Variants in SEMA4B observed in about 807,000 individuals in gnomAD.
SEMA4B encodes semaphorin 4B.
A neutral mutation model predicts 88.1 loss-of-function variants in SEMA4B; 55 were observed. The ratio of observed to expected loss-of-function variants is 0.62; its 90% CI spans 0.50 to 0.78. The LOEUF is 0.78. SEMA4B is among the 30% of genes least tolerant of loss of function. SEMA4B has a pLI of 0.00. For synonymous variants in SEMA4B, 525 were observed against 473.6 expected, an observed-to-expected ratio of 1.11 and a Z score of -1.41; for missense variants, 1,062 against 1,111.9, an observed-to-expected ratio of 0.96 and a Z score of 0.64.
intron 1 of SEMA4B, among the ~76,000 whole-genome samples, chr15:90,185,856 C>T (rs1294831771): frequency 1.3e-5 from 2 of 151,542 alleles, no homozygotes; most frequent in African/African-American, 2.4e-5. Flanking sequence ...TAAATCGCTT[C>T]CCAAGATGAC....
chr15:90,206,977 C>A (rs1163326406), intron 1 of SEMA4B: 14 of 526,078 alleles, frequency 2.7e-5, no homozygotes, highest in East Asian at 2.2e-4. Context: ...AAGAAAATAT[C>A]TTTGGCTCAC....
Position 90,219,889 on chromosome 15 carries a change from A to T in SEMA4B, c.481A>T (p.Ile161Phe). The T allele has an allele frequency of 6.2e-7, 1 of 1,610,108 alleles. No homozygotes were observed. Reference protein sequence around the residue: ...TAAFSPMCTYINMENFTLARD... With the variant: ...TAAFSPMCTYFNMENFTLARD... Reference sequence around the variant, plus strand: ...AGCCTTCAGCCCCATGTGTACCTACATCGTGAGTGACCTGTCCTCAGCCCT... The same window carrying T: ...AGCCTTCAGCCCCATGTGTACCTACTTCGTGAGTGACCTGTCCTCAGCCCT... Residue 161 changes from isoleucine (I) to phenylalanine (F), a missense_variant and splice_region_variant, in exon 4 of 14, where the codon ATC becomes TTC. Physicochemically the swap from Ile to Phe is conservative, Grantham distance 21. Transcript: ENST00000411539.
rs1262729968 is a variant in SEMA4B at position 90,212,613 on chromosome 15, G to T, written c.158-4826G>T. 6.6e-6 allele frequency among the ~76,000 whole-genome samples: 1 copy of T among 151,542 alleles called. No homozygotes were observed. Among genetic ancestry groups the T allele is most frequent in the Non-Finnish European group, 1.5e-5 (1 of 67,950 alleles). ...ACAAAGAGCACCTAGGAGTGAGTGCGCAAGCGTGGACAAGCCCTGCGGTAC... is the reference window on the plus strand; with the variant it reads ...ACAAAGAGCACCTAGGAGTGAGTGCTCAAGCGTGGACAAGCCCTGCGGTAC... On this transcript the variant is annotated intron_variant, in intron 1 of 13. Coordinates refer to ENST00000411539, the MANE Select transcript of SEMA4B (RefSeq NM_198925.4). This position sits in a 1 kb window ranked among gnomAD's most constrained non-coding sequence, Gnocchi z 4.0.
intron 1 of SEMA4B, among the ~76,000 whole-genome samples, chr15:90,188,251 T>A (rs1596112279): frequency 6.8e-6 from 1 of 148,102 alleles, no homozygotes; most frequent in South Asian, 2.2e-4. Flanking sequence ...CCAAGGGAGG[T>A]TGAGGCTTCA....
chr15:90,208,342 T>G (rs575731330), intron 1 of SEMA4B, among the ~76,000 whole-genome samples: 1 of 152,352 alleles, frequency 6.6e-6, no homozygotes, highest in East Asian at 1.9e-4. Context: ...TTTCCAGCTT[T>G]TCTGAAGGTC....
chr15:90,189,208 A>G (rs1297753641), intron 1 of SEMA4B, among the ~76,000 whole-genome samples: 1 of 151,948 alleles, frequency 6.6e-6, no homozygotes, highest in African/African-American at 2.4e-5. Context: ...GAAGGAAGAA[A>G]AGGTAGGAAG....
At chr15:90,189,125 G>A (rs1960271832) in intron 1 of SEMA4B, among the ~76,000 whole-genome samples, 1 of 152,006 alleles carries the variant, frequency 6.6e-6, no homozygotes, top group South Asian at 2.1e-4. Flanking sequence ...AGGAAGTGGG[G>A]GGGAGGAAGG....
Position 90,221,470 on chromosome 15 carries a change from C to G in SEMA4B, c.699C>G (p.Asn233Lys). Residue 233 changes from asparagine (N) to lysine (K), a missense_variant, in exon 6 of 14, where the codon AAC becomes AAG. By Grantham distance (94) the Asn-to-Lys change is moderately conservative (BLOSUM62 0). Transcript: ENST00000411539. ...LRPTKTESSL[N>K]WLQDPAFVAS... Reference sequence around the variant, plus strand: ...CCACCAAGACCGAGAGCTCCCTCAACTGGCTGCAAGGTGAAGTCCTCTTGC... The same window carrying G: ...CCACCAAGACCGAGAGCTCCCTCAAGTGGCTGCAAGGTGAAGTCCTCTTGC... 1 of 1,595,874 alleles carries G rather than the reference C, an allele frequency of 6.3e-7. No individual in the cohort carries two copies. The highest frequency in any genetic ancestry group is 1.1e-5 in the South Asian group (1 of 88,650).
At chr15:90,211,942 A>C (rs1961288467) in intron 1 of SEMA4B, among the ~76,000 whole-genome samples, 1 of 151,852 alleles carries the variant, frequency 6.6e-6, no homozygotes, top group African/African-American at 2.4e-5. Context: ...GTAGAGAGAA[A>C]GGTGGGGTGG....
chr15:90,216,592 G>C (rs1168700282), intron 1 of SEMA4B, among the ~76,000 whole-genome samples: 3 of 152,176 alleles, frequency 2.0e-5, no homozygotes, highest in Non-Finnish European at 4.4e-5. Context: ...TCAAAGACCA[G>C]TGCTTTTTTG....
At chr15:90,206,576 G>A (rs1435042033) in intron 1 of SEMA4B, 13 of 519,946 alleles carry the variant, frequency 2.5e-5, no homozygotes, top group East Asian at 1.6e-4. Flanking sequence ...TGCCATGGCC[G>A]AGGAAGGCAT....
chr15:90,202,739 T>C (rs2151594853), intron 1 of SEMA4B, among the ~76,000 whole-genome samples: 1 of 152,252 alleles, frequency 6.6e-6, no homozygotes, highest in Non-Finnish European at 1.5e-5. Context: ...CCCTTTAACT[T>C]GTTGGTTGTC....
intron 1 of SEMA4B, 37 bp from the exon 2 acceptor site, chr15:90,217,402 G>A: frequency 1.9e-6 from 3 of 1,590,872 alleles, no homozygotes; most frequent in Non-Finnish European, 2.6e-6. Flanking sequence ...CCCATGGGAG[G>A]GGTGGCCCCA....
chr15:90,218,568 A>G (rs1439052967), intron 3 of SEMA4B, among the ~76,000 whole-genome samples: 2 of 152,190 alleles, frequency 1.3e-5, no homozygotes, highest in Non-Finnish European at 2.9e-5. Context: ...CAGGTGGATC[A>G]CAAGGTCTCC....
rs528008091 is a variant in SEMA4B, at chr15:90,193,548, G to A, written c.-121-7910G>A. 2.6e-5 allele frequency: 4 copies of A among 152,358 alleles called. No homozygotes were observed. In the East Asian group the frequency reaches 7.7e-4, roughly 29 times the overall value. The allele number at this position is 152,358 out of a possible 1,614,324, so 9.4% of individuals were successfully genotyped here. A position where few individuals can be genotyped will look rare whatever the true frequency, so the allele number is the denominator to read the frequency against. On this transcript the variant is annotated intron_variant, in intron 1 of 14. Transcript: ENST00000332496. ...GACATAAGACATATTGGAAGCATTT[G>A]AGCAGGATATGATTATCCGCTTAGT...
intron 1 of SEMA4B, among the ~76,000 whole-genome samples, chr15:90,209,610 T>TCATCAAA (rs910977466): frequency 6.6e-6 from 1 of 151,682 alleles, no homozygotes; most frequent in African/African-American, 2.4e-5. Context: ...CTCCTCATCA[T>TCATCAAA]CATCAAACAT....
upstream of SEMA4B, among the ~76,000 whole-genome samples, chr15:90,198,964 C>T (rs944817563): frequency 1.3e-4 from 20 of 152,070 alleles, no homozygotes. Context: ...GCCTCCCAGG[C>T]CCCGGTTCAA....
chr15:90,206,957 G>A, intron 1 of SEMA4B: 1 of 592,024 alleles, frequency 1.7e-6, no homozygotes, highest in Non-Finnish European at 3.0e-6. Flanking sequence ...AACTTCTAAT[G>A]CAAGAAATGA....
chr15:90,217,404 G>A (rs1311102656), intron 1 of SEMA4B, 35 bp from the exon 2 acceptor site: 1 of 1,592,788 alleles, frequency 6.3e-7, no homozygotes, highest in Admixed American at 1.7e-5. Context: ...CATGGGAGGG[G>A]TGGCCCCAGG....
Sources: gnomAD v4.1 joint callset for allele counts (sites outside exome capture counted in the v4.1 genomes callset) on GRCh38, gnomAD v4.1.1 for gene constraint, Gnocchi (gnomAD v3.1) non-coding constraint, MANE v1.5 for transcripts, NCBI Gene and HGNC (gene_info 2026-07-23, HGNC 2026-07-21) for gene names.